Variants in CHD6 observed in about 807,000 individuals in gnomAD.
The protein encoded by CHD6 is chromodomain helicase DNA binding protein 6.
Under a neutral mutation model 276.9 loss-of-function variants are expected in CHD6, and 50 were observed. That is an observed-to-expected ratio of 0.18 (90% confidence interval 0.14 to 0.23). The LOEUF (loss-of-function observed/expected upper bound fraction) is 0.23, where lower values mean the gene tolerates loss of function less well. Ranked by LOEUF, CHD6 falls within the 10% of genes least tolerant of loss-of-function variation. The pLI is 1.00. For synonymous variants in CHD6, 1,173 were observed against 1,229.3 expected (o/e 0.95, Z 0.96); for missense variants, 2,564 against 3,365.8 (o/e 0.76, Z 5.89).
At chr20:41,414,393 A>G (rs975392481) in intron 34 of CHD6, 1 of 154,218 alleles carries the variant, frequency 6.5e-6, no homozygotes, top group African/African-American at 2.4e-5. Flanking sequence ...GTTGTGAGGA[A>G]CAAACAAGAT....
intron 1 of CHD6, among the ~76,000 whole-genome samples, chr20:41,616,227 A>C (rs2045933489): frequency 6.6e-6 from 1 of 152,174 alleles, no homozygotes. Context: ...CCCCAACTAC[A>C]TGAATAATAA....
chr20:41,439,318 T>C (rs1033682337), intron 26 of CHD6, among the ~76,000 whole-genome samples: 2 of 151,074 alleles, frequency 1.3e-5, no homozygotes, highest in Non-Finnish European at 2.9e-5. Context: ...ATTGCGCCAC[T>C]GCACTCCTGC....
At chr20:41,609,842 T>C (rs867628461) in intron 1 of CHD6, among the ~76,000 whole-genome samples, 30 of 149,072 alleles carry the variant, frequency 2.0e-4, no homozygotes, top group Admixed American at 1.5e-3. Flanking sequence ...TGTTTCCTTT[T>C]TTTTTCTTTT....
chr20:41,464,988 A>C (rs1166811080), intron 17 of CHD6, among the ~76,000 whole-genome samples: 1 of 152,252 alleles, frequency 6.6e-6, no homozygotes, highest in African/African-American at 2.4e-5. Flanking sequence ...AACAAAATCC[A>C]CAAGTCAATA....
At chr20:41,558,333 T>A (rs1031534516) in intron 1 of CHD6, among the ~76,000 whole-genome samples, 3 of 152,214 alleles carry the variant, frequency 2.0e-5, no homozygotes, top group African/African-American at 7.2e-5. Flanking sequence ...GCTGACAACA[T>A]GTGCCTCAGA....
chr20:41,522,719 A>G (rs1173544343), intron 3 of CHD6, among the ~76,000 whole-genome samples: 1 of 152,016 alleles, frequency 6.6e-6, no homozygotes, highest in African/African-American at 2.4e-5. Context: ...GTATATATAC[A>G]TATATACACT....
chr20:41,591,379 T>TATACACAC (rs1416193560), intron 1 of CHD6, among the ~76,000 whole-genome samples: 74 of 144,186 alleles, frequency 5.1e-4, no homozygotes, highest in African/African-American at 1.9e-3. Flanking sequence ...TATATATATA[T>TATACACAC]ACACACACAC....
At chr20:41,509,811 A>G (rs2044071708) in intron 5 of CHD6, among the ~76,000 whole-genome samples, 1 of 152,216 alleles carries the variant, frequency 6.6e-6, no homozygotes, top group African/African-American at 2.4e-5. Flanking sequence ...AGTCACATTT[A>G]GGATGGAAAC....
intron 3 of CHD6, among the ~76,000 whole-genome samples, chr20:41,524,898 T>C (rs190784818): frequency 8.5e-5 from 13 of 152,246 alleles, no homozygotes; most frequent in African/African-American, 2.2e-4. Context: ...TAATTTAAAA[T>C]GTGTTCATTC....
chr20:41,511,397 T>C (rs946492072), intron 5 of CHD6, among the ~76,000 whole-genome samples: 4 of 152,216 alleles, frequency 2.6e-5, no homozygotes, highest in Non-Finnish European at 4.4e-5. Context: ...TTCTTCTCTA[T>C]AAGCTCCTTG....
intron 1 of CHD6, among the ~76,000 whole-genome samples, chr20:41,586,226 C>G (rs2146247735): frequency 6.6e-6 from 1 of 152,310 alleles, no homozygotes; most frequent in South Asian, 2.1e-4. Flanking sequence ...CCGGCTCAAG[C>G]TGAGCTTTCG....
chr20:41,473,552 T>A lies in CHD6; in HGVS notation c.2469-35A>T. ...CCCAAATGAACGAAAGCCCAGGCGT[T>A]AATCATGACTTCAATGGAGAACAGC... On this transcript the variant is annotated intron_variant, in intron 16 of 36. Transcript: ENST00000373233. The surrounding 1 kb of genome is among the most constrained non-coding windows in gnomAD (Gnocchi z 4.1). The A allele has an allele frequency of 6.4e-7, 1 of 1,562,456 alleles. No homozygotes were observed. The highest frequency in any genetic ancestry group is 8.8e-7 in the Non-Finnish European group (1 of 1,134,486).
Position 41,412,220 on chromosome 20 carries a change from T to G in CHD6, c.7175A>C (p.Glu2392Ala). 6.2e-7 allele frequency: 1 copy of G among 1,614,218 alleles called. No individual in the cohort carries two copies. The highest frequency in any genetic ancestry group is 8.5e-7 in the Non-Finnish European group (1 of 1,180,020). ...KPKQRRPRCK[E>A]PGKLDVSSLS... ...GGAGCTGACATCTAATTTTCCAGGT[T>G]CTTTACAGCGTGGCCTCCTCTGCTT... The change falls in exon 36 of 37, where the codon GAA becomes GCA. Residue 2392 changes from glutamate to alanine, a missense_variant. Transcript: ENST00000373233.
At chr20:41,431,359 T>C (rs1175214931) in intron 27 of CHD6, among the ~76,000 whole-genome samples, 1 of 152,180 alleles carries the variant, frequency 6.6e-6, no homozygotes, top group Non-Finnish European at 1.5e-5. Flanking sequence ...ATACCATACA[T>C]TCTGCAAGCT....
At chr20:41,522,640 ATGCGCGCACGCG>A (rs999764122) in intron 3 of CHD6, among the ~76,000 whole-genome samples, 6 of 152,100 alleles carry the variant, frequency 3.9e-5, no homozygotes, top group East Asian at 3.9e-4. Context: ...TTCAGGAAAC[ATGCGCGCACGCG>A]TGCGCGCACA....
At chr20:41,454,791 A>G in intron 19 of CHD6, 55 bp from the exon 20 acceptor site, 1 of 1,226,338 alleles carries the variant, frequency 8.2e-7, no homozygotes, top group Non-Finnish European at 1.2e-6. Flanking sequence ...CAAACTAATA[A>G]AACACCAGTG....
At chr20:41,524,155 T>C (rs2044470649) in intron 3 of CHD6, among the ~76,000 whole-genome samples, 3 of 152,124 alleles carry the variant, frequency 2.0e-5, no homozygotes, top group Admixed American at 2.0e-4. Context: ...TTCCCAGGAG[T>C]ACAATACTGA....
intron 27 of CHD6, among the ~76,000 whole-genome samples, chr20:41,429,981 T>G (rs2047484070): frequency 6.6e-6 from 1 of 152,208 alleles, no homozygotes; most frequent in African/African-American, 2.4e-5. Flanking sequence ...GAACAGGCTC[T>G]TTTTATACAA....
At chr20:41,513,212 T>C (rs1568661592) in intron 4 of CHD6, among the ~76,000 whole-genome samples, 1 of 152,168 alleles carries the variant, frequency 6.6e-6, no homozygotes, top group African/African-American at 2.4e-5. Context: ...AATCTCCAAA[T>C]TGCCATGATC....
Sources: allele counts gnomAD v4.1 joint callset (sites outside exome capture counted in the v4.1 genomes callset), GRCh38; gene constraint gnomAD v4.1.1; non-coding constraint Gnocchi (gnomAD v3.1); transcripts MANE v1.5; gene names NCBI Gene and HGNC (gene_info 2026-07-23, HGNC 2026-07-21).